HHLA1: variants seen among roughly 807,000 people sequenced by gnomAD.
The protein encoded by HHLA1 is HERV-H LTR-associating protein 1.
A neutral mutation model predicts 69.9 loss-of-function variants in HHLA1; 72 were observed. That is an observed-to-expected ratio of 1.03 (90% CI 0.85 to 1.25). The LOEUF (loss-of-function observed/expected upper bound fraction) is 1.25, where lower values mean the gene tolerates loss of function less well. HHLA1 is among the 50% of genes most tolerant of loss of function. The probability of loss-of-function intolerance (pLI) is 0.00; values close to 1 mark genes in which losing one functional copy is unlikely to be tolerated. For missense variants in HHLA1, 685 were observed against 642.2 expected, an observed-to-expected ratio of 1.07 and a Z score of -0.72; for synonymous variants, 252 against 233.2, an observed-to-expected ratio of 1.08 and a Z score of -0.73.
At position 132,070,268 on chromosome 8, in the gene HHLA1, G is replaced by T. The variant is rs906573014; in HGVS notation, c.1469+1072C>A. ...GAAATAACAGTATGTCAGCATTGTA[G>T]GACAGAAAATGTCCATGTCTAGACC... On this transcript the variant is annotated intron_variant, in intron 15 of 16. Transcript: ENST00000414222. 3.1e-5 allele frequency: 22 copies of T among 698,696 alleles called. No homozygotes were observed. The African/African-American group carries it at 3.7e-4, about 12-fold the overall frequency. 43.3% of individuals were successfully genotyped at this position (698,696 alleles called of 1,614,324 possible).
At chr8:132,096,668 C>A (rs1824030898) in intron 5 of HHLA1, among the ~76,000 whole-genome samples, 1 of 152,158 alleles carries the variant, frequency 6.6e-6, no homozygotes, top group South Asian at 2.1e-4. Flanking sequence ...GAGAATCACC[C>A]ACCTGCATCA....
At chr8:132,095,202 C>G (rs1824003233) in intron 7 of HHLA1, among the ~76,000 whole-genome samples, 1 of 152,228 alleles carries the variant, frequency 6.6e-6, no homozygotes, top group South Asian at 2.1e-4. Context: ...AATTTGAGCA[C>G]TCTCACTCAT....
At chr8:132,099,050 A>G (rs943137390) in intron 4 of HHLA1, 88 bp from the exon 5 acceptor site, 167 of 1,004,360 alleles carry the variant, frequency 1.7e-4, no homozygotes, top group Non-Finnish European at 2.4e-4. Flanking sequence ...GCAGATATTC[A>G]ACTTCTTTGC....
chr8:132,102,822 A>C (rs1281630699), intron 3 of HHLA1, among the ~76,000 whole-genome samples: 1 of 144,724 alleles, frequency 6.9e-6, no homozygotes, highest in Non-Finnish European at 1.5e-5. Flanking sequence ...TTTTTTTAGC[A>C]CTATTCCTTT....
chr8:132,107,521 G>A (rs1157198522), intron 1 of HHLA1, among the ~76,000 whole-genome samples: 1 of 151,968 alleles, frequency 6.6e-6, no homozygotes, highest in African/African-American at 2.4e-5. Flanking sequence ...GGCTGGTCTC[G>A]ACTCCCGACC....
At chr8:132,109,237 A>C (rs1237518251) in intron 1 of HHLA1, among the ~76,000 whole-genome samples, 2 of 152,090 alleles carry the variant, frequency 1.3e-5, no homozygotes, top group Non-Finnish European at 2.9e-5. Flanking sequence ...GAACTCAGTC[A>C]AAAAGCATTT....
chr8:132,101,580 T>C (rs991426438), intron 3 of HHLA1, among the ~76,000 whole-genome samples: 1 of 118,188 alleles, frequency 8.5e-6, no homozygotes, highest in Non-Finnish European at 1.8e-5. Context: ...TCTACCCTAT[T>C]AATTTTTTTT....
chr8:132,075,972 CG>C, intron 14 of HHLA1, 82 bp downstream of exon 14: 1 of 1,045,186 alleles, frequency 9.6e-7, no homozygotes, highest in Non-Finnish European at 1.4e-6. Flanking sequence ...CTAAATTTAC[CG>C]AACAAACCTC....
At chr8:132,101,873 A>G (rs1824116480) in intron 3 of HHLA1, among the ~76,000 whole-genome samples, 2 of 152,184 alleles carry the variant, frequency 1.3e-5, no homozygotes, top group African/African-American at 4.8e-5. Flanking sequence ...CACTCATCCC[A>G]ATTAACAGAT....
chr8:132,075,540 G>T (rs1294199798), intron 14 of HHLA1, among the ~76,000 whole-genome samples: 1 of 152,222 alleles, frequency 6.6e-6, no homozygotes, highest in Non-Finnish European at 1.5e-5. Context: ...ACTGTGCAGG[G>T]ATGGAAAGGG....
rs1029743015 is a variant in HHLA1 at position 132,106,701 on chromosome 8, T to C, written c.-21-1415A>G. 6.6e-5 allele frequency among the ~76,000 whole-genome samples: 10 copies of C among 152,326 alleles called. 2 individuals are homozygous for C. The highest frequency in any genetic ancestry group is 3.9e-4 in the Admixed American group (6 of 15,292). On this transcript the variant is annotated intron_variant, in intron 1 of 16. Coordinates refer to ENST00000414222, the MANE Select transcript of HHLA1 (RefSeq NM_001145095.3). ...CACTTCCCTTGAGCTGTTTAGTAAC[T>C]TAGAAGATGTAGACACATGCCCAAC...
Position 132,064,051 on chromosome 8 carries a change from C to CAGA in HHLA1, c.1553-16_1553-14dup. 2.3e-6 allele frequency: 3 copies of CAGA among 1,301,232 alleles called. No individual in the cohort carries two copies. Among genetic ancestry groups the CAGA allele is most frequent in the African/African-American group, 1.5e-5 (1 of 65,796 alleles). 80.6% of individuals were successfully genotyped at this position (1,301,232 alleles called of 1,614,324 possible). A position where few individuals can be genotyped will look rare whatever the true frequency, so the allele number is the denominator to read the frequency against. ...TTTTGCTTTAAGGCTGAAAAAAAAG[C>CAGA]AGAAGAAGAAGGAACTCAAGGTACT... On this transcript the variant is annotated splice_polypyrimidine_tract_variant and intron_variant, in intron 16 of 16. Transcript: ENST00000414222.
intron 15 of HHLA1, among the ~76,000 whole-genome samples, chr8:132,067,723 T>C (rs1488220080): frequency 3.3e-5 from 5 of 152,238 alleles, no homozygotes; most frequent in African/African-American, 9.6e-5. Flanking sequence ...CATTTTGTTC[T>C]CACAACACTG....
chr8:132,104,505 C>T (rs1179803863), intron 2 of HHLA1, among the ~76,000 whole-genome samples: 4 of 152,062 alleles, frequency 2.6e-5, no homozygotes, highest in Non-Finnish European at 5.9e-5. Context: ...AATCTGGAAG[C>T]CTTCCCTGAG....
At chr8:132,071,036 C>A (rs1823531226) in intron 15 of HHLA1, among the ~76,000 whole-genome samples, 1 of 152,134 alleles carries the variant, frequency 6.6e-6, no homozygotes, top group African/African-American at 2.4e-5. Flanking sequence ...CTTATCTCAA[C>A]TCATCACAAC....
rs1823380870 is a variant in HHLA1, at chr8:132,063,141, G to C, written c.*854C>G. Reference sequence around the variant, plus strand: ...TTAAACATTATTTCTGGGAGGATTAGATGCTGACTGTGCAACCCCACTGGA... The same window carrying C: ...TTAAACATTATTTCTGGGAGGATTACATGCTGACTGTGCAACCCCACTGGA... On this transcript the variant is annotated 3_prime_UTR_variant, in exon 17 of 17. Coordinates refer to ENST00000414222, the MANE Select transcript of HHLA1 (RefSeq NM_001145095.3). The C allele has an allele frequency of 6.6e-6, 1 of 152,232 alleles. No individual in the cohort carries two copies. Among genetic ancestry groups the C allele is most frequent in the African/African-American group, 2.4e-5 (1 of 41,444 alleles). 9.4% of individuals were successfully genotyped at this position (152,232 alleles called of 1,614,324 possible).
At chr8:132,091,093 C>T (rs372283096) in intron 7 of HHLA1, among the ~76,000 whole-genome samples, 4 of 152,022 alleles carry the variant, frequency 2.6e-5, no homozygotes, top group East Asian at 1.9e-4. Flanking sequence ...TTAGTTATTC[C>T]ATATATTTTC....
At chr8:132,105,379 T>C (rs1267575208) in intron 1 of HHLA1, 93 bp from the exon 2 acceptor site, 1 of 827,582 alleles carries the variant, frequency 1.2e-6, no homozygotes, top group African/African-American at 1.7e-5. Flanking sequence ...AAAATCACAA[T>C]CTGAAAAAGG....
Position 132,073,276 on chromosome 8 carries a change from G to C in HHLA1, c.1316-1783C>G, listed in dbSNP as rs373416864. ...TTACAGGTGTAAACCACCACATCTGGCCAGGAATATATTTATTTAAGTGGA... is the reference window on the plus strand; with the variant it reads ...TTACAGGTGTAAACCACCACATCTGCCCAGGAATATATTTATTTAAGTGGA... On this transcript the variant is annotated intron_variant, in intron 14 of 16. Coordinates refer to ENST00000414222, the MANE Select transcript of HHLA1 (RefSeq NM_001145095.3). Among the ~76,000 whole-genome samples the C allele has an allele frequency of 7.9e-5, 12 of 152,208 alleles. No individual in the cohort carries two copies. The East Asian group carries it at 1.9e-3, about 24-fold the overall frequency.
Sources: gnomAD v4.1 joint callset for allele counts (sites outside exome capture counted in the v4.1 genomes callset) on GRCh38, gnomAD v4.1.1 for gene constraint, MANE v1.5 for transcripts, NCBI Gene and HGNC (gene_info 2026-07-23, HGNC 2026-07-21) for gene names.